The following RABEPK variants were observed in gnomAD, a reference collection of about 807,000 sequenced individuals.
RABEPK encodes Rab9 effector protein with kelch motifs.
Under a neutral mutation model 34.1 loss-of-function variants are expected in RABEPK, and 27 were observed. The observed-to-expected ratio is 0.79, with a 90% CI of 0.58 to 1.09. RABEPK has a LOEUF of 1.09. Ranked by LOEUF, RABEPK falls within the 50% of genes least tolerant of loss-of-function variation. RABEPK has a pLI of 0.00. For synonymous variants in RABEPK, 172 were observed against 169.2 expected (o/e 1.02, Z -0.13); for missense variants, 449 against 462.6 (o/e 0.97, Z 0.27).
At chr9:125,232,225 C>CAA (rs1215034143) in intron 6 of RABEPK, among the ~76,000 whole-genome samples, 1 of 106,900 alleles carries the variant, frequency 9.4e-6, no homozygotes, top group African/African-American at 3.2e-5. Flanking sequence ...AGTACACACA[C>CAA]ACACACACAC....
At chr9:125,209,069 T>C (rs1313688212) in intron 3 of RABEPK, among the ~76,000 whole-genome samples, 2 of 151,224 alleles carry the variant, frequency 1.3e-5, no homozygotes, top group Non-Finnish European at 2.9e-5. Context: ...TTTTTTTTTT[T>C]TTTTTTGAGA....
intron 3 of RABEPK, among the ~76,000 whole-genome samples, chr9:125,212,074 C>G (rs918485223): frequency 6.6e-6 from 1 of 152,112 alleles, no homozygotes; most frequent in African/African-American, 2.4e-5. Context: ...GCTTTGTGAC[C>G]CTGGCTACAC....
At chr9:125,230,028 G>A (rs908150469) in intron 6 of RABEPK, among the ~76,000 whole-genome samples, 3 of 152,056 alleles carry the variant, frequency 2.0e-5, no homozygotes, top group African/African-American at 7.2e-5. Context: ...GCACTGATGC[G>A]ATCTTAGCTC....
chr9:125,207,807 A>G, intron 3 of RABEPK, 86 bp downstream of exon 3: 1 of 1,496,682 alleles, frequency 6.7e-7, no homozygotes, highest in Non-Finnish European at 9.2e-7. Flanking sequence ...ATTCCTAAAA[A>G]CACCAGCAGG....
intron 1 of RABEPK, 130 bp from the exon 2 acceptor site, chr9:125,202,878 G>T: frequency 2.4e-6 from 1 of 425,292 alleles, no homozygotes; most frequent in African/African-American, 2.1e-5. Flanking sequence ...ATGAAAAGTT[G>T]GTGATTCTTA....
At position 125,213,319 on chromosome 9, in the gene RABEPK, A is replaced by G. The variant is rs148180103; in HGVS notation, c.212-51A>G. 1.6e-3 allele frequency: 2,534 copies of G among 1,581,600 alleles called. 6 individuals are homozygous for G. The highest frequency in any genetic ancestry group is 2.6e-3 in the Admixed American group (143 of 55,056). On this transcript the variant is annotated intron_variant, in intron 3 of 7. Coordinates refer to ENST00000373538, the MANE Select transcript of RABEPK (RefSeq NM_005833.4). The stretch of plus-strand genomic sequence containing the variant: ...ATGACCCTCCTCAAGTGTGCCAACC[A>G]ATATAATAATTGGCAGCCCCAATCT...
In RABEPK at chr9:125,207,698, C is replaced by CA. The variant is rs1830315611; in HGVS notation, c.189dup (p.Asp64ArgfsTer25). On this transcript the variant is annotated frameshift_variant, in exon 3 of 8. Transcript: ENST00000373538. LOFTEE classifies it high-confidence loss of function. The stretch of plus-strand genomic sequence containing the variant: ...GGAGCAAATCCAAACAGAAGCTTCT[C>CA]AGACGTGCACACCATGGATCTGGGT... The CA allele has an allele frequency of 6.2e-7, 1 of 1,614,140 alleles. No homozygotes were observed. The highest frequency in any genetic ancestry group is 8.5e-7 in the Non-Finnish European group (1 of 1,180,010).
chr9:125,215,295 G>GT (rs1474049456), intron 4 of RABEPK, among the ~76,000 whole-genome samples: 11 of 148,512 alleles, frequency 7.4e-5, no homozygotes, highest in African/African-American at 2.0e-4. Flanking sequence ...TTTTTTTTGG[G>GT]TTTTTTTATT....
At chr9:125,211,706 G>A (rs1830599175) in intron 3 of RABEPK, among the ~76,000 whole-genome samples, 1 of 152,044 alleles carries the variant, frequency 6.6e-6, no homozygotes. Context: ...GCTGGACGAG[G>A]TGTAATCCCC....
intron 5 of RABEPK, chr9:125,222,423 A>G (rs1451304511): frequency 6.6e-6 from 1 of 152,014 alleles, no homozygotes; most frequent in Non-Finnish European, 1.5e-5. Flanking sequence ...AAGAACAGAG[A>G]TAATTCAAAC....
chr9:125,232,104 G>A (rs1438927129), intron 6 of RABEPK, among the ~76,000 whole-genome samples: 2 of 149,828 alleles, frequency 1.3e-5, no homozygotes, highest in Non-Finnish European at 3.0e-5. Flanking sequence ...TCTCCATGTT[G>A]GTCAGGCTGG....
intron 5 of RABEPK, chr9:125,220,907 C>T (rs1831287630): frequency 8.6e-6 from 5 of 581,258 alleles, no homozygotes; most frequent in African/African-American, 1.9e-5. Context: ...TGGCTCACAC[C>T]TGTAATCCCA....
At chr9:125,206,554 T>A (rs1830239748) in intron 2 of RABEPK, among the ~76,000 whole-genome samples, 1 of 152,150 alleles carries the variant, frequency 6.6e-6, no homozygotes, top group Non-Finnish European at 1.5e-5. Context: ...ATGTGATTTT[T>A]CAGAGTGCTA....
chr9:125,220,757 CT>C, intron 5 of RABEPK, 57 bp downstream of exon 5: 2 of 1,534,098 alleles, frequency 1.3e-6, no homozygotes, highest in African/African-American at 1.4e-5. Context: ...TACACATTAC[CT>C]AATATAGGAA....
In RABEPK at chr9:125,225,457, G is replaced by A. The variant is rs190945222; in HGVS notation, c.527-2453G>A. Among the ~76,000 whole-genome samples the A allele has an allele frequency of 3.3e-5, 5 of 152,152 alleles. No homozygotes were observed. The East Asian group carries it at 7.7e-4, about 24-fold the overall frequency. ...CCAGCACTTTGGGAGGCCCAGGGGG[G>A]TGGATCTCTTATGGTCAGGAGTTTG... is the stretch of plus-strand genomic sequence containing the variant. On this transcript the variant is annotated intron_variant, in intron 5 of 7. Coordinates refer to ENST00000373538, the MANE Select transcript of RABEPK (RefSeq NM_005833.4).
chr9:125,228,515 A>G (rs1263851678), intron 6 of RABEPK, among the ~76,000 whole-genome samples: 1 of 151,002 alleles, frequency 6.6e-6, no homozygotes, highest in Non-Finnish European at 1.5e-5. Context: ...AAATTAGCCT[A>G]TTGTCATGGC....
At chr9:125,205,232 C>A (rs965049629) in intron 2 of RABEPK, among the ~76,000 whole-genome samples, 1 of 152,146 alleles carries the variant, frequency 6.6e-6, no homozygotes, top group African/African-American at 2.4e-5. Flanking sequence ...TGAGACCCTC[C>A]TAAGACATGC....
intron 6 of RABEPK, among the ~76,000 whole-genome samples, chr9:125,231,875 A>T (rs1011971704): frequency 2.0e-5 from 3 of 151,346 alleles, no homozygotes; most frequent in Non-Finnish European, 4.4e-5. Flanking sequence ...CAGCACTTAC[A>T]AAATCGCTAA....
intron 4 of RABEPK, among the ~76,000 whole-genome samples, chr9:125,217,696 A>G (rs1156669761): frequency 6.6e-6 from 1 of 152,172 alleles, no homozygotes; most frequent in African/African-American, 2.4e-5. Flanking sequence ...AGTCCCTCAA[A>G]TGCTCAGGAC....
Sources: allele counts gnomAD v4.1 joint callset (sites outside exome capture counted in the v4.1 genomes callset), GRCh38; gene constraint gnomAD v4.1.1; transcripts MANE v1.5; gene names NCBI Gene and HGNC (gene_info 2026-07-23, HGNC 2026-07-21).